CCNJL: variants seen among roughly 807,000 people sequenced by gnomAD.
The protein encoded by CCNJL is cyclin J like.
Under a neutral mutation model 33.4 loss-of-function variants are expected in CCNJL, and 33 were observed. The ratio of observed to expected loss-of-function variants is 0.99; its 90% confidence interval spans 0.75 to 1.32. CCNJL has a LOEUF of 1.32. CCNJL is among the 40% of genes most tolerant of loss of function. The pLI is 0.00. For synonymous variants in CCNJL, 227 were observed against 220.9 expected (o/e 1.03, Z -0.24); for missense variants, 512 against 499.7 (o/e 1.02, Z -0.23).
At chr5:160,339,322 T>C in intron 1 of CCNJL, 1 of 249,692 alleles carries the variant, frequency 4.0e-6, no homozygotes, top group Non-Finnish European at 7.9e-6. Flanking sequence ...AAAGTGATTA[T>C]CACTTTGTAA....
At chr5:160,308,714 C>T (rs1386839516) in intron 2 of CCNJL, among the ~76,000 whole-genome samples, 2 of 152,368 alleles carry the variant, frequency 1.3e-5, no homozygotes, top group Non-Finnish European at 2.9e-5. Context: ...GCTGATAGTG[C>T]CACTGCACTC....
chr5:160,329,395 A>G (rs569994573), intron 1 of CCNJL, among the ~76,000 whole-genome samples: 8 of 150,632 alleles, frequency 5.3e-5, no homozygotes, highest in East Asian at 1.9e-4. Context: ...CTGTTGCCCA[A>G]GCTGGAGTGC....
At chr5:160,318,633 C>G (rs1438591830) in intron 1 of CCNJL, among the ~76,000 whole-genome samples, 1 of 152,226 alleles carries the variant, frequency 6.6e-6, no homozygotes, top group Non-Finnish European at 1.5e-5. Context: ...ACCCATAGTT[C>G]CTCTTCCTTC....
At chr5:160,289,657 C>T (rs1293766304) in intron 2 of CCNJL, among the ~76,000 whole-genome samples, 1 of 151,980 alleles carries the variant, frequency 6.6e-6, no homozygotes, top group Non-Finnish European at 1.5e-5. Flanking sequence ...GGAAAGTGCC[C>T]CGGAAAAGGC....
At chr5:160,318,724 T>C (rs1763405991) in intron 1 of CCNJL, among the ~76,000 whole-genome samples, 1 of 152,190 alleles carries the variant, frequency 6.6e-6, no homozygotes, top group Non-Finnish European at 1.5e-5. Context: ...GAAATAAAAA[T>C]AGTTAACTTA....
At chr5:160,265,111 T>C (rs1202304060) in intron 3 of CCNJL, among the ~76,000 whole-genome samples, 1 of 152,164 alleles carries the variant, frequency 6.6e-6, no homozygotes, top group Non-Finnish European at 1.5e-5. Context: ...TCATTCCTGT[T>C]GCCCAGGCTT....
Position 160,330,199 on chromosome 5 carries a change from T to C in CCNJL, n.206+9246A>G, listed in dbSNP as rs936270978. Among the ~76,000 whole-genome samples the C allele has an allele frequency of 9.9e-5, 15 of 152,186 alleles. 1 individual carries two copies. Among genetic ancestry groups the C allele is most frequent in the Non-Finnish European group, 1.8e-4 (12 of 68,036 alleles). On this transcript the variant is annotated intron_variant and non_coding_transcript_variant, in intron 1 of 7. Transcript: ENST00000377503. ...CAAATCTCTCAGGGTCCCCTTGATC[T>C]TCTTACTCTCATTCCTGGGCTGCAC... is the stretch of plus-strand genomic sequence containing the variant.
Position 160,265,634 on chromosome 5 carries a change from C to A in CCNJL, c.281-5863G>T, listed in dbSNP as rs1273110638. Among the ~76,000 whole-genome samples, 10 of 144,110 alleles carry A rather than the reference C, an allele frequency of 6.9e-5. No homozygotes were observed. The East Asian group carries it at 2.0e-3, about 29-fold the overall frequency. 94.5% of individuals were successfully genotyped at this position (144,110 alleles called of 152,430 possible). On this transcript the variant is annotated intron_variant, in intron 3 of 5. Coordinates refer to ENST00000257536, the MANE Select transcript of CCNJL (RefSeq NM_001308173.3). ...TGGGCAACAGAGTGAGACTCCATCT[C>A]AAAAAAAAAAGGAAATGCAATGCCC...
rs1248121219 is a variant in CCNJL, at chr5:160,250,171, G to C, written c.*3207C>G. 2.0e-5 allele frequency: 3 copies of C among 152,174 alleles called. No homozygotes were observed. Among genetic ancestry groups the C allele is most frequent in the Non-Finnish European group, 2.9e-5 (2 of 68,060 alleles). 9.4% of individuals were successfully genotyped at this position (152,174 alleles called of 1,614,324 possible). A position where few individuals can be genotyped will look rare whatever the true frequency, so the allele number is the denominator to read the frequency against. On this transcript the variant is annotated 3_prime_UTR_variant, in exon 6 of 6. Transcript: ENST00000257536. ...AGGCCACAGAGGTCACAGCCTCTGT[G>C]GCACAGTCTCCCCCCGCCCCAAGAG... is the stretch of plus-strand genomic sequence containing the variant.
In CCNJL at chr5:160,288,825, T is replaced by G. The variant is rs541003517; in HGVS notation, c.67-8087A>C. Among the ~76,000 whole-genome samples the G allele has an allele frequency of 9.2e-5, 12 of 130,200 alleles. No homozygotes were observed. The South Asian group carries it at 3.0e-3, about 32-fold the overall frequency. 85.4% of individuals were successfully genotyped at this position (130,200 alleles called of 152,430 possible). On this transcript the variant is annotated intron_variant, in intron 2 of 5. Coordinates refer to ENST00000257536, the MANE Select transcript of CCNJL (RefSeq NM_001308173.3). Reference sequence around the variant, plus strand: ...CAGCCTGGGCGACAGAGCGAGACTCTGTCTAAAAAAAAAAAAAAAAAAAAA... The same window carrying G: ...CAGCCTGGGCGACAGAGCGAGACTCGGTCTAAAAAAAAAAAAAAAAAAAAA...
chr5:160,297,452 T>C (rs1762782201), intron 2 of CCNJL, among the ~76,000 whole-genome samples: 2 of 151,680 alleles, frequency 1.3e-5, no homozygotes, highest in Admixed American at 1.3e-4. Flanking sequence ...TCTGGGGAGG[T>C]CCTGGGAAGA....
chr5:160,339,511 G>A (rs771872235), exon 1 of CCNJL: 88 of 451,232 alleles, frequency 2.0e-4, no homozygotes, highest in Middle Eastern at 6.6e-4. Context: ...TCTTTTAGAC[G>A]TATGCCTCAT....
chr5:160,283,837 G>C (rs1235725718), intron 2 of CCNJL, among the ~76,000 whole-genome samples: 1 of 150,488 alleles, frequency 6.6e-6, no homozygotes, highest in Non-Finnish European at 1.5e-5. Context: ...CAATTGCTTT[G>C]ATTTTTAGAT....
At chr5:160,289,042 G>GT (rs1434042116) in intron 2 of CCNJL, among the ~76,000 whole-genome samples, 1 of 152,106 alleles carries the variant, frequency 6.6e-6, no homozygotes, top group Admixed American at 6.5e-5. Flanking sequence ...GTTTTCCACC[G>GT]TAAGGTTGTG....
At chr5:160,295,571 A>T (rs772793284) in intron 2 of CCNJL, among the ~76,000 whole-genome samples, 44 of 152,336 alleles carry the variant, frequency 2.9e-4, no homozygotes, top group Non-Finnish European at 5.6e-4. Context: ...GATAGGCGCT[A>T]ATCAGTGTTT....
At chr5:160,311,569 G>A (rs1378363150) in intron 2 of CCNJL, among the ~76,000 whole-genome samples, 1 of 152,140 alleles carries the variant, frequency 6.6e-6, no homozygotes, top group Non-Finnish European at 1.5e-5. Flanking sequence ...AACCTAGGGT[G>A]GCAATACTAT....
In CCNJL at chr5:160,327,072, C is replaced by G. The variant is rs576156142; in HGVS notation, n.207-11567G>C. 1.5e-5 allele frequency: 5 copies of G among 336,130 alleles called. 1 individual carries two copies. Among genetic ancestry groups the G allele is most frequent in the South Asian group, 1.1e-4 (4 of 37,390 alleles). 20.8% of individuals were successfully genotyped at this position (336,130 alleles called of 1,614,324 possible). On this transcript the variant is annotated intron_variant and non_coding_transcript_variant, in intron 1 of 7. Transcript: ENST00000377503. ...ATTTATTCGTATTGTTTTGATTACC[C>G]TTATGTTATTACAAGATGGCAATAA...
rs1378483314 is a variant in CCNJL, at chr5:160,321,048, T to C, written n.207-5543A>G. ...TTTCTTTCTTTCTTTCTTTCTTTCT[T>C]TCTTTCTTTCTTTCTTTCTTTCTTT... On this transcript the variant is annotated intron_variant and non_coding_transcript_variant, in intron 1 of 7. Coordinates refer to the CCNJL transcript ENST00000377503. 2.0e-4 allele frequency among the ~76,000 whole-genome samples: 24 copies of C among 119,702 alleles called. 2 individuals are homozygous for C. Among genetic ancestry groups the C allele is most frequent in the African/African-American group, 9.8e-4 (22 of 22,368 alleles). The allele number at this position is 119,702 out of a possible 152,430, so 78.5% of individuals were successfully genotyped here.
chr5:160,259,536 G>A lies in CCNJL; in HGVS notation c.516C>T (p.Thr172=), dbSNP rs375363498. 38 of 1,614,108 alleles carry A rather than the reference G, an allele frequency of 2.4e-5. No homozygotes were observed. The highest frequency in any genetic ancestry group is 3.0e-5 in the Non-Finnish European group (35 of 1,180,040). Residue 172 remains threonine (T), a synonymous_variant, in exon 4 of 6, where the codon ACC becomes ACT. Coordinates refer to ENST00000257536, the MANE Select transcript of CCNJL (RefSeq NM_001308173.3). ...GGCACTCTTTGGTCTTGCGGGGGCAGGTGGTGGGCCAGGTGTGGCAGTGGT... is the reference window on the plus strand; with the variant it reads ...GGCACTCTTTGGTCTTGCGGGGGCAAGTGGTGGGCCAGGTGTGGCAGTGGT... ...KDHHCHTWPT[T]CPRKTKECLK...
Sources: gnomAD v4.1 joint callset for allele counts (sites outside exome capture counted in the v4.1 genomes callset) on GRCh38, gnomAD v4.1.1 for gene constraint, MANE v1.5 for transcripts, NCBI Gene and HGNC (gene_info 2026-07-23, HGNC 2026-07-21) for gene names.